The following C2CD3 variants were observed in gnomAD, a reference collection of about 807,000 sequenced individuals.
The protein encoded by C2CD3 is C2 domain containing 3 centriole elongation regulator.
In C2CD3, 148 loss-of-function variants were observed where a neutral mutation model predicts 234.0. That is an observed-to-expected ratio of 0.63 (90% CI 0.55 to 0.72). The LOEUF is 0.72. Ranked by LOEUF, C2CD3 falls within the 30% of genes least tolerant of loss-of-function variation. The pLI is 0.00. For missense variants in C2CD3, 2,577 were observed against 2,811.5 expected (o/e 0.92, Z 1.89); for synonymous variants, 1,000 against 1,035.4 (o/e 0.97, Z 0.66).
Position 74,033,806 on chromosome 11 carries a change from G to C in C2CD3, c.6354C>G (p.Phe2118Leu). ...TTTTGACCATAAGCTCCTCTCTGCA[G>C]AAAGGCCCTGGAGAAGGACAAGAGG... is the stretch of plus-strand genomic sequence containing the variant. ...EGPSCPSPGPFCREELMVKSS... is the reference protein window; with the variant it reads ...EGPSCPSPGPLCREELMVKSS... The change falls in exon 31 of 33, where the codon TTC (phenylalanine) becomes TTG (leucine). Residue 2118 changes from phenylalanine (F) to leucine (L), a missense_variant. Coordinates refer to ENST00000334126, the MANE Select transcript of C2CD3 (RefSeq NM_001286577.2). The C allele has an allele frequency of 6.5e-7, 1 of 1,536,314 alleles. No individual in the cohort carries two copies. The highest frequency in any genetic ancestry group is 1.4e-5 in the African/African-American group (1 of 73,176).
At chr11:74,055,040 G>C (rs1307082640) in intron 25 of C2CD3, among the ~76,000 whole-genome samples, 2 of 152,190 alleles carry the variant, frequency 1.3e-5, no homozygotes, top group East Asian at 3.8e-4. Context: ...ATGGAGAGAA[G>C]GGAAGAGGAA....
rs115760271 is a variant in C2CD3 at position 74,114,707 on chromosome 11, T to C, written c.1521-114A>G. On this transcript the variant is annotated intron_variant, in intron 9 of 32. Transcript: ENST00000334126. ...GGAGGGCAGCAAGTTTTTATTTTTT[T>C]ATTTTTATTTTTGACACAGGGTGTT... The C allele has an allele frequency of 8.1e-3, 5,614 of 691,598 alleles. 205 individuals are homozygous for C. The African/African-American group carries it at 0.082, about 10-fold the overall frequency. 42.8% of individuals were successfully genotyped at this position (691,598 alleles called of 1,614,324 possible).
intron 32 of C2CD3, among the ~76,000 whole-genome samples, chr11:74,021,758 G>T (rs1260315042): frequency 2.0e-5 from 3 of 152,190 alleles, no homozygotes; most frequent in African/African-American, 7.2e-5. Context: ...TGATTAGAGT[G>T]TGATATTACA....
At chr11:74,144,857 G>C (rs983171303) in intron 3 of C2CD3, among the ~76,000 whole-genome samples, 3 of 152,090 alleles carry the variant, frequency 2.0e-5, no homozygotes, top group Admixed American at 1.3e-4. Flanking sequence ...CCATTGATGG[G>C]CACTCAGCTT....
intron 2 of C2CD3, 120 bp from the exon 3 acceptor site, chr11:74,161,676 G>C (rs1856481143): frequency 9.2e-6 from 5 of 545,468 alleles, no homozygotes; most frequent in Non-Finnish European, 1.5e-5. Flanking sequence ...ATTTTATGTT[G>C]GATAACACCA....
intron 3 of C2CD3, among the ~76,000 whole-genome samples, chr11:74,150,155 T>TAA (rs200395607): frequency 1.9e-4 from 27 of 142,582 alleles, no homozygotes; most frequent in Admixed American, 7.7e-4. Flanking sequence ...TTTCCTTTTG[T>TAA]AAAAAAAAAA....
intron 13 of C2CD3, among the ~76,000 whole-genome samples, chr11:74,104,478 C>T (rs892319165): frequency 4.0e-5 from 6 of 151,136 alleles, no homozygotes; most frequent in African/African-American, 1.5e-4. Context: ...GTACAACTTA[C>T]TCTCAAATAG....
intron 24 of C2CD3, among the ~76,000 whole-genome samples, chr11:74,060,144 C>T (rs984301910): frequency 2.0e-5 from 3 of 152,258 alleles, no homozygotes; most frequent in Non-Finnish European, 4.4e-5. Flanking sequence ...TGGAGCCCAT[C>T]GCAGCTCAAG....
chr11:74,102,871 A>T (rs960701939), intron 14 of C2CD3, among the ~76,000 whole-genome samples: 1 of 152,220 alleles, frequency 6.6e-6, no homozygotes, highest in African/African-American at 2.4e-5. Flanking sequence ...AGAAAGGAAT[A>T]GAATCCCAAA....
chr11:74,122,510 A>G (rs1443699202), intron 8 of C2CD3, among the ~76,000 whole-genome samples: 1 of 152,226 alleles, frequency 6.6e-6, no homozygotes, highest in Non-Finnish European at 1.5e-5. Flanking sequence ...CAATGAAAAG[A>G]GCATAAGGCT....
Position 74,166,559 on chromosome 11 carries a change from C to A in C2CD3, c.325+1785G>T, listed in dbSNP as rs532309682. 4.6e-5 allele frequency among the ~76,000 whole-genome samples: 7 copies of A among 152,232 alleles called. No homozygotes were observed. The South Asian group carries it at 1.5e-3, about 32-fold the overall frequency. On this transcript the variant is annotated intron_variant, in intron 2 of 32. Transcript: ENST00000334126. ...AAACAGCAAGAGCATAGAGTAGAAG[C>A]AGGATTCTGGCTTCTTAATAACATA...
chr11:74,044,805 G>T (rs1438660504), intron 28 of C2CD3, among the ~76,000 whole-genome samples: 1 of 151,688 alleles, frequency 6.6e-6, no homozygotes, highest in South Asian at 2.1e-4. Flanking sequence ...AGAACATGTG[G>T]TATTTGGTTT....
rs115463471 is a variant in C2CD3 at position 74,120,093 on chromosome 11, G to C, written c.1366-1711C>G. On this transcript the variant is annotated intron_variant, in intron 8 of 32. Coordinates refer to ENST00000334126, the MANE Select transcript of C2CD3 (RefSeq NM_001286577.2). ...TTTAAGCAGTGGCATGTGGCTACTA[G>C]CTACATTGAACAGCATGATTGTAAG... Among the ~76,000 whole-genome samples, 1,450 of 151,794 alleles carry C rather than the reference G, an allele frequency of 9.6e-3. 22 individuals are homozygous for C. The highest frequency in any genetic ancestry group is 0.033 in the African/African-American group (1,384 of 41,378).
intron 32 of C2CD3, among the ~76,000 whole-genome samples, chr11:74,015,978 G>A (rs1199380711): frequency 6.6e-6 from 1 of 152,034 alleles, no homozygotes; most frequent in Non-Finnish European, 1.5e-5. Context: ...TCAGGAGGCT[G>A]TGGTGGGAGG....
intron 24 of C2CD3, among the ~76,000 whole-genome samples, chr11:74,066,601 A>G (rs542680504): frequency 5.7e-4 from 86 of 152,130 alleles, no homozygotes; most frequent in African/African-American, 1.8e-3. Context: ...AAGTAGCTAC[A>G]GCTTTGCTTT....
chr11:74,137,708 C>G (rs1253244332), intron 5 of C2CD3, among the ~76,000 whole-genome samples: 1 of 152,008 alleles, frequency 6.6e-6, no homozygotes, highest in African/African-American at 2.4e-5. Flanking sequence ...CCTCAGCCTC[C>G]TGAGTAGTTG....
intron 3 of C2CD3, among the ~76,000 whole-genome samples, chr11:74,141,841 A>T (rs545322480): frequency 2.1e-4 from 31 of 147,586 alleles, no homozygotes; most frequent in African/African-American, 5.2e-4. Context: ...CAAAAAATTT[A>T]AAAAAAAAAA....
Position 74,138,730 on chromosome 11 carries a change from A to G in C2CD3, c.945T>C (p.Asp315=), listed in dbSNP as rs775615360. The part of the protein sequence containing the change: ...ILSSNNLPTK[D]LLSALLEQGN... Reference sequence around the variant, plus strand: ...CAAATACATACATACCTGAAAGAAGATCCTTGGTAGGGAGGTTGTTTGAAG... The same window carrying G: ...CAAATACATACATACCTGAAAGAAGGTCCTTGGTAGGGAGGTTGTTTGAAG... Residue 315 remains aspartate (D), a synonymous_variant, in exon 5 of 33, where the codon GAT becomes GAC. Coordinates refer to ENST00000334126, the MANE Select transcript of C2CD3 (RefSeq NM_001286577.2). The G allele has an allele frequency of 1.9e-6, 3 of 1,612,684 alleles. No individual in the cohort carries two copies. In the South Asian group the frequency reaches 3.3e-5, roughly 18 times the overall value.
intron 12 of C2CD3, among the ~76,000 whole-genome samples, chr11:74,107,263 TGCAGTAA>T (rs1355148811): frequency 6.6e-6 from 1 of 152,024 alleles, no homozygotes; most frequent in East Asian, 1.9e-4. Flanking sequence ...AGGCTGAGGT[TGCAGTAA>T]GCTGAGACCA....
Sources: gnomAD v4.1 joint callset for allele counts (sites outside exome capture counted in the v4.1 genomes callset) on GRCh38, gnomAD v4.1.1 for gene constraint, MANE v1.5 for transcripts, NCBI Gene and HGNC (gene_info 2026-07-23, HGNC 2026-07-21) for gene names.